The following GRM4 variants were observed in gnomAD, a reference collection of about 807,000 sequenced individuals.
GRM4 encodes the protein glutamate metabotropic receptor 4, also known as metabotropic glutamate receptor 4.
A neutral mutation model predicts 81.7 loss-of-function variants in GRM4; 28 were observed. The observed-to-expected ratio is 0.34, with a 90% confidence interval of 0.25 to 0.47. The LOEUF (loss-of-function observed/expected upper bound fraction) is 0.47, where lower values mean the gene tolerates loss of function less well. Ranked by LOEUF, GRM4 falls within the 20% of genes least tolerant of loss-of-function variation. GRM4 has a pLI of 1.00. For synonymous variants in GRM4, 488 were observed against 528.8 expected, an observed-to-expected ratio of 0.92 and a Z score of 1.06; for missense variants, 948 against 1,290.0, an observed-to-expected ratio of 0.73 and a Z score of 4.06.
intron 8 of GRM4, among the ~76,000 whole-genome samples, chr6:34,038,520 T>C (rs1764829121): frequency 1.3e-5 from 2 of 152,142 alleles, no homozygotes; most frequent in Admixed American, 1.3e-4. Context: ...AGGGTACCAG[T>C]GATGCGACGC....
At chr6:34,134,094 C>T (rs555299332) in intron 1 of GRM4, among the ~76,000 whole-genome samples, 11 of 152,262 alleles carry the variant, frequency 7.2e-5, no homozygotes, top group African/African-American at 2.6e-4. Flanking sequence ...GTACCCACTG[C>T]TATCAGTAGC....
At position 34,059,269 on chromosome 6, in the gene GRM4, C is replaced by T; in HGVS notation, c.873-141G>A. 1.4e-6 allele frequency: 1 copy of T among 735,230 alleles called. No individual in the cohort carries two copies. The highest frequency in any genetic ancestry group is 2.3e-6 in the Non-Finnish European group (1 of 440,354). The allele number at this position is 735,230 out of a possible 1,614,324, so 45.5% of individuals were successfully genotyped here. ...ACTGTCCCAGCACCGATGCTTTCAC[C>T]CCAAGCCATGGATTCCCCCTACCCG... is the stretch of plus-strand genomic sequence containing the variant. On this transcript the variant is annotated intron_variant, in intron 4 of 10. Transcript: ENST00000538487. This position sits in a 1 kb window ranked among gnomAD's most constrained non-coding sequence, Gnocchi z 5.7.
intron 2 of GRM4, among the ~76,000 whole-genome samples, chr6:34,118,621 C>A (rs1198044382): frequency 6.6e-6 from 1 of 152,224 alleles, no homozygotes; most frequent in African/African-American, 2.4e-5. Flanking sequence ...GGATTTATCC[C>A]TGAGTTCCCT....
chr6:34,025,687 G>A (rs774771833), intron 10 of GRM4, among the ~76,000 whole-genome samples: 3 of 152,180 alleles, frequency 2.0e-5, no homozygotes, highest in African/African-American at 7.2e-5. Flanking sequence ...AAGGTTCACC[G>A]GAAGTCAGGA....
At chr6:34,062,055 G>A (rs1333166619) in intron 3 of GRM4, 27 bp from the exon 4 acceptor site, 3 of 1,591,202 alleles carry the variant, frequency 1.9e-6, no homozygotes, top group South Asian at 2.3e-5. Flanking sequence ...AGTTAGTTGG[G>A]GTGGGCAGGG....
At chr6:34,037,245 C>T (rs1764761186) in intron 8 of GRM4, among the ~76,000 whole-genome samples, 2 of 152,218 alleles carry the variant, frequency 1.3e-5, no homozygotes, top group South Asian at 4.1e-4. Context: ...TTACATCTTG[C>T]TCTAAATTAG....
At position 34,034,638 on chromosome 6, in the gene GRM4, AC is replaced by A. The variant is rs1764598818; in HGVS notation, c.2442+1029del. ...TGGCTTCCTCAGCTCCACACTCCTT[AC>A]AGTGTATTAACTGTTTGTGCACCCA... On this transcript the variant is annotated intron_variant, in intron 9 of 10. Coordinates refer to ENST00000538487, the MANE Select transcript of GRM4 (RefSeq NM_000841.4). The surrounding 1 kb of genome is among the most constrained non-coding windows in gnomAD (Gnocchi z 4.0). Among the ~76,000 whole-genome samples, 1 of 152,100 alleles carries A rather than the reference AC, an allele frequency of 6.6e-6. No homozygotes were observed. Among genetic ancestry groups the A allele is most frequent in the Admixed American group, 6.5e-5 (1 of 15,280 alleles).
intron 3 of GRM4, among the ~76,000 whole-genome samples, chr6:34,076,823 C>T (rs1271545955): frequency 6.6e-6 from 1 of 152,106 alleles, no homozygotes; most frequent in African/African-American, 2.4e-5. Context: ...GCTCTTAGCA[C>T]TGTTGGGAAA....
Position 34,019,674 on chromosome 6 carries a change from C to T in GRM4, c.*3147G>A, listed in dbSNP as rs1763801929. 6.6e-6 allele frequency: 1 copy of T among 152,220 alleles called. No individual in the cohort carries two copies. Among genetic ancestry groups the T allele is most frequent in the African/African-American group, 2.4e-5 (1 of 41,454 alleles). 9.4% of individuals were successfully genotyped at this position (152,220 alleles called of 1,614,324 possible). On this transcript the variant is annotated 3_prime_UTR_variant, in exon 11 of 11. Transcript: ENST00000538487. ...CGGGGGTGAGCACATACCCCCTGCA[C>T]ACAGCAAAGGTCTCTAGGGGCCGCT... is the stretch of plus-strand genomic sequence containing the variant.
intron 6 of GRM4, 90 bp downstream of exon 6, chr6:34,056,454 A>G: frequency 3.3e-6 from 4 of 1,210,542 alleles, no homozygotes; most frequent in Non-Finnish European, 4.7e-6. Flanking sequence ...GACGACAGAC[A>G]AAGGGAGACT....
In GRM4 at chr6:34,040,605, T is replaced by G. The variant is rs756908198; in HGVS notation, c.1312A>C (p.Met438Leu). The change falls in exon 7 of 11, where the codon ATG (methionine) becomes CTG (leucine). Residue 438 changes from methionine to leucine, a missense_variant. Coordinates refer to ENST00000538487, the MANE Select transcript of GRM4 (RefSeq NM_000841.4). ...CPGRVGLCPR[M>L]DPVDGTQLLK... is the part of the protein sequence containing the mutation. ...AGCTGGGTGCCATCTACAGGGTCCA[T>G]GCGCGGGCAGAGCCCCACGCGGCCG... 3.7e-6 allele frequency: 6 copies of G among 1,614,142 alleles called. No homozygotes were observed. In the South Asian group the frequency reaches 6.6e-5, roughly 18 times the overall value.
intron 3 of GRM4, among the ~76,000 whole-genome samples, chr6:34,079,180 G>A (rs1767463009): frequency 6.6e-6 from 1 of 152,216 alleles, no homozygotes; most frequent in African/African-American, 2.4e-5. Context: ...CGGGGAAAGC[G>A]CTCTCTGCCA....
intron 3 of GRM4, among the ~76,000 whole-genome samples, chr6:34,066,025 A>C (rs533797776): frequency 3.0e-4 from 45 of 151,900 alleles, no homozygotes; most frequent in Admixed American, 4.6e-4. Context: ...TACCCCACCC[A>C]TCAAAACCGA....
intron 2 of GRM4, among the ~76,000 whole-genome samples, chr6:34,113,259 C>T (rs1458625647): frequency 6.6e-6 from 1 of 152,128 alleles, no homozygotes; most frequent in African/African-American, 2.4e-5. Context: ...TCAAGCGATG[C>T]TCCCACCTCG....
chr6:34,082,797 G>A (rs1767674006), intron 3 of GRM4, among the ~76,000 whole-genome samples: 2 of 152,236 alleles, frequency 1.3e-5, no homozygotes, highest in Admixed American at 6.5e-5. Flanking sequence ...TTTGACAAAG[G>A]TGGAAACTGA....
In GRM4 at chr6:34,068,877, G is replaced by A. The variant is rs556812667; in HGVS notation, c.737-6849C>T. On this transcript the variant is annotated intron_variant, in intron 3 of 10. Transcript: ENST00000538487. This position sits in a 1 kb window ranked among gnomAD's most constrained non-coding sequence, Gnocchi z 4.2. ...CCGGCCTCTCGGGGCCCAGCCAGCT[G>A]GTCCTGAGGCCAGCAGAGACATAGG... Among the ~76,000 whole-genome samples, 408 of 152,246 alleles carry A rather than the reference G, an allele frequency of 2.7e-3. 2 individuals are homozygous for A. Among genetic ancestry groups the A allele is most frequent in the African/African-American group, 9.4e-3 (391 of 41,524 alleles).
chr6:34,147,309 G>A (rs150703801), upstream of GRM4, among the ~76,000 whole-genome samples: 52 of 152,282 alleles, frequency 3.4e-4, no homozygotes, highest in East Asian at 9.4e-3. Context: ...AGTGCACCCC[G>A]TGGCCATTCG....
rs115543431 is a variant in GRM4 at position 34,093,105 on chromosome 6, G to A, written c.520-1006C>T. ...GGAATGCATATTGATCCAGGCTGGC[G>A]TCGAAACTAAGATTTTATGCCCCTA... is the stretch of plus-strand genomic sequence containing the variant. On this transcript the variant is annotated intron_variant, in intron 2 of 10. Coordinates refer to ENST00000538487, the MANE Select transcript of GRM4 (RefSeq NM_000841.4). Among the ~76,000 whole-genome samples, 452 of 152,330 alleles carry A rather than the reference G, an allele frequency of 3.0e-3. 7 individuals are homozygous for A. Among genetic ancestry groups the A allele is most frequent in the Middle Eastern group, 6.8e-3 (2 of 294 alleles).
intron 6 of GRM4, chr6:34,055,415 G>C (rs890648412): frequency 6.6e-6 from 1 of 152,138 alleles, no homozygotes; most frequent in African/African-American, 2.4e-5. Flanking sequence ...AGTCCCCGTG[G>C]GCTCTGGCCA....
Sources: allele counts gnomAD v4.1 joint callset (sites outside exome capture counted in the v4.1 genomes callset), GRCh38; gene constraint gnomAD v4.1.1; non-coding constraint Gnocchi (gnomAD v3.1); transcripts MANE v1.5; gene names NCBI Gene and HGNC (gene_info 2026-07-23, HGNC 2026-07-21).